The following LIX1 variants were observed in gnomAD, a reference collection of about 807,000 sequenced individuals.
The protein encoded by LIX1 is protein limb expression 1 homolog.
A neutral mutation model predicts 33.4 loss-of-function variants in LIX1; 24 were observed. That is an observed-to-expected ratio of 0.72 (90% confidence interval 0.52 to 1.01). LIX1 has a LOEUF of 1.01. Among genes scored for constraint, LIX1 ranks in the 50% least tolerant of loss-of-function variants. The pLI is 0.00. For missense variants in LIX1, 311 were observed against 339.2 expected, an observed-to-expected ratio of 0.92 and a Z score of 0.65; for synonymous variants, 124 against 124.0, an observed-to-expected ratio of 1.00 and a Z score of 0.00.
At chr5:97,097,990 C>A (rs576478935) in intron 4 of LIX1, among the ~76,000 whole-genome samples, 5 of 152,366 alleles carry the variant, frequency 3.3e-5, no homozygotes, top group African/African-American at 1.2e-4. Flanking sequence ...CCTTCTTCAG[C>A]CCTTTTCTGC....
In LIX1 at chr5:97,094,733, C is replaced by T. The variant is rs749144428; in HGVS notation, c.*15G>A. The T allele has an allele frequency of 1.2e-5, 20 of 1,609,902 alleles. No individual in the cohort carries two copies. Among genetic ancestry groups the T allele is most frequent in the East Asian group, 2.2e-5 (1 of 44,844 alleles). On this transcript the variant is annotated 3_prime_UTR_variant, in exon 6 of 6. Transcript: ENST00000274382. ...GGCCTCTGCCATCACTGAGGGTACCCGGGGCTTGGCCTTGCTAGTGATAGC... is the reference window on the plus strand; with the variant it reads ...GGCCTCTGCCATCACTGAGGGTACCTGGGGCTTGGCCTTGCTAGTGATAGC...
At chr5:97,105,883 A>C (rs891180531) in intron 3 of LIX1, among the ~76,000 whole-genome samples, 1 of 152,148 alleles carries the variant, frequency 6.6e-6, no homozygotes, top group African/African-American at 2.4e-5. Flanking sequence ...TGGCGCTAAG[A>C]AGCTAACACG....
Position 97,094,090 on chromosome 5 carries a change from A to G in LIX1, c.*658T>C, listed in dbSNP as rs1202813419. ...TTTTCTAGGTGATATTTATCCCCAT[A>G]TATGGAAGAGTGTGGGTTTTAAAAA... On this transcript the variant is annotated 3_prime_UTR_variant, in exon 6 of 6. Transcript: ENST00000274382. 2 of 152,348 alleles carry G rather than the reference A, an allele frequency of 1.3e-5. No individual in the cohort carries two copies. The highest frequency in any genetic ancestry group is 4.8e-5 in the African/African-American group (2 of 41,446). 9.4% of individuals were successfully genotyped at this position (152,348 alleles called of 1,614,324 possible).
intron 1 of LIX1, among the ~76,000 whole-genome samples, chr5:97,131,061 C>T (rs1030558079): frequency 4.6e-5 from 7 of 152,150 alleles, no homozygotes; most frequent in African/African-American, 1.7e-4. Context: ...TTTTCATTTT[C>T]CCCTTCCTGA....
intron 2 of LIX1, among the ~76,000 whole-genome samples, chr5:97,121,515 A>C (rs1407832938): frequency 6.6e-6 from 1 of 152,064 alleles, no homozygotes; most frequent in Non-Finnish European, 1.5e-5. Context: ...TTCCTTACTA[A>C]TTTGGCTGTC....
chr5:97,139,063 G>C (rs1748229531), intron 1 of LIX1, among the ~76,000 whole-genome samples: 1 of 152,192 alleles, frequency 6.6e-6, no homozygotes, highest in South Asian at 2.1e-4. Context: ...ACTTCTGAGA[G>C]GCAATGTCTC....
At chr5:97,107,922 G>A (rs536752436) in intron 2 of LIX1, among the ~76,000 whole-genome samples, 1 of 152,156 alleles carries the variant, frequency 6.6e-6, no homozygotes, top group Non-Finnish European at 1.5e-5. Flanking sequence ...CAATAATTAA[G>A]AACACAAATT....
chr5:97,098,446 T>G (rs1320021507), intron 4 of LIX1, among the ~76,000 whole-genome samples: 1 of 152,246 alleles, frequency 6.6e-6, no homozygotes, highest in South Asian at 2.1e-4. Flanking sequence ...TTATAGTTTT[T>G]TTTGGTCAGA....
intron 1 of LIX1, among the ~76,000 whole-genome samples, chr5:97,138,739 T>C (rs1748221291): frequency 6.6e-6 from 1 of 152,116 alleles, no homozygotes; most frequent in African/African-American, 2.4e-5. Context: ...CCCTCTATGC[T>C]CCTGGTAGAG....
At chr5:97,133,981 GAAAA>G (rs967555528) in intron 1 of LIX1, among the ~76,000 whole-genome samples, 2 of 151,792 alleles carry the variant, frequency 1.3e-5, no homozygotes, top group African/African-American at 4.8e-5. Context: ...AAATTTGACA[GAAAA>G]AAAAGAACAA....
In LIX1 at chr5:97,101,509, C is replaced by T. The variant is rs567038197; in HGVS notation, c.483+3681G>A. Among the ~76,000 whole-genome samples the T allele has an allele frequency of 3.9e-5, 6 of 152,278 alleles. No homozygotes were observed. The South Asian group carries it at 6.2e-4, about 16-fold the overall frequency. On this transcript the variant is annotated intron_variant, in intron 4 of 5. Transcript: ENST00000274382. ...AAATTATCTAGCTGGTCCTGACCAG[C>T]GGAGTAAATTTAATATAGAACGAAG... is the stretch of plus-strand genomic sequence containing the variant.
intron 1 of LIX1, 33 bp downstream of exon 1, chr5:97,142,462 A>C (rs768530731): frequency 6.6e-7 from 1 of 1,518,160 alleles, no homozygotes; most frequent in Non-Finnish European, 9.1e-7. Flanking sequence ...ATTTTCTAAA[A>C]AGTCAAAAAA....
At chr5:97,111,650 T>G (rs113162923) in intron 2 of LIX1, among the ~76,000 whole-genome samples, 1 of 152,240 alleles carries the variant, frequency 6.6e-6, no homozygotes, top group African/African-American at 2.4e-5. Context: ...ATCCAGGCAC[T>G]CTTCAGAAAC....
At chr5:97,133,420 G>T (rs1159347441) in intron 1 of LIX1, among the ~76,000 whole-genome samples, 1 of 152,210 alleles carries the variant, frequency 6.6e-6, no homozygotes, top group African/African-American at 2.4e-5. Context: ...GTAAGTACTA[G>T]AGTGTTAGCT....
chr5:97,132,517 A>G (rs1005284946), intron 1 of LIX1, among the ~76,000 whole-genome samples: 3 of 152,124 alleles, frequency 2.0e-5, no homozygotes, highest in African/African-American at 7.2e-5. Flanking sequence ...CCCATTGAGG[A>G]ACTGTGTAGG....
At position 97,119,597 on chromosome 5, in the gene LIX1, A is replaced by G. The variant is rs1429316388; in HGVS notation, c.246+4869T>C. Reference sequence around the variant, plus strand: ...ATTCAGGAAATTCTGGATCTTTTTAAGCAAAGATGTTAACAGTCCTCCTGA... The same window carrying G: ...ATTCAGGAAATTCTGGATCTTTTTAGGCAAAGATGTTAACAGTCCTCCTGA... On this transcript the variant is annotated intron_variant, in intron 2 of 5. Transcript: ENST00000274382. Among the ~76,000 whole-genome samples the G allele has an allele frequency of 2.6e-5, 4 of 152,204 alleles. No homozygotes were observed. The South Asian group carries it at 8.3e-4, about 31-fold the overall frequency.
chr5:97,113,200 ATCC>A (rs1390879409), intron 2 of LIX1, among the ~76,000 whole-genome samples: 1 of 152,200 alleles, frequency 6.6e-6, no homozygotes, highest in Non-Finnish European at 1.5e-5. Context: ...TGGGAAGCTG[ATCC>A]TCCAGCCCTG....
chr5:97,137,421 G>T (rs1748194694), intron 1 of LIX1, among the ~76,000 whole-genome samples: 1 of 151,538 alleles, frequency 6.6e-6, no homozygotes, highest in Admixed American at 6.6e-5. Flanking sequence ...CTAGGGTTGA[G>T]ACTTTTATAC....
At chr5:97,134,723 T>C (rs191522861) in intron 1 of LIX1, among the ~76,000 whole-genome samples, 1 of 152,250 alleles carries the variant, frequency 6.6e-6, no homozygotes, top group Non-Finnish European at 1.5e-5. Flanking sequence ...TGGGCTTAGC[T>C]GAACCCCAGG....
Sources: gnomAD v4.1 joint callset for allele counts (sites outside exome capture counted in the v4.1 genomes callset) on GRCh38, gnomAD v4.1.1 for gene constraint, MANE v1.5 for transcripts, NCBI Gene and HGNC (gene_info 2026-07-23, HGNC 2026-07-21) for gene names.